Variants in NBAS observed in about 807,000 individuals in gnomAD.
NBAS encodes the protein NAG/BC035112 fusion.
In NBAS, 219 loss-of-function variants were observed where a neutral mutation model predicts 302.5. That is an observed-to-expected ratio of 0.72 (90% CI 0.65 to 0.81). The LOEUF is 0.81. Ranked by LOEUF, NBAS falls within the 30% of genes least tolerant of loss-of-function variation. The pLI, the probability that NBAS is intolerant of heterozygous loss-of-function variation, is 0.00. For synonymous variants in NBAS, 1,118 were observed against 1,021.6 expected (o/e 1.09, Z -1.80); for missense variants, 2,932 against 2,841.6 (o/e 1.03, Z -0.72).
intron 13 of NBAS, among the ~76,000 whole-genome samples, chr2:15,477,590 C>A (rs550293025): frequency 6.6e-6 from 1 of 152,284 alleles, no homozygotes; most frequent in African/African-American, 2.4e-5. Context: ...AACCTTATAA[C>A]TATCACTGAT....
the NBAS span, among the ~76,000 whole-genome samples, chr2:15,140,475 C>T: frequency 5.9e-5 from 9 of 152,266 alleles, no homozygotes; most frequent in Non-Finnish European, 1.3e-4. Flanking sequence ...TGACCTTAAC[C>T]AAGTCATTTA....
chr2:15,237,132 T>C (rs1460488607), intron 45 of NBAS, among the ~76,000 whole-genome samples: 4 of 152,212 alleles, frequency 2.6e-5, no homozygotes, highest in Admixed American at 2.0e-4. Context: ...AAATGGAATA[T>C]TATTCATATA....
chr2:15,188,234 A>C (rs1318808015), intron 49 of NBAS, among the ~76,000 whole-genome samples: 1 of 152,254 alleles, frequency 6.6e-6, no homozygotes, highest in African/African-American at 2.4e-5. Context: ...ACAAGGAACT[A>C]AAGCTAAAAA....
Position 15,315,327 on chromosome 2 carries a change from G to A in NBAS, c.4583-6080C>T, listed in dbSNP as rs549280390. Among the ~76,000 whole-genome samples, 8 of 152,322 alleles carry A rather than the reference G, an allele frequency of 5.3e-5. No homozygotes were observed. In the East Asian group the frequency reaches 1.5e-3, roughly 29 times the overall value. ...ACAGTAAATGTGGCAATATTAACTG[G>A]AGGGTACACAGGAGTGTACGGGAGT... On this transcript the variant is annotated intron_variant, in intron 38 of 51. Transcript: ENST00000281513.
At chr2:15,097,977 TAA>T in the NBAS span, among the ~76,000 whole-genome samples, 1 of 98,016 alleles carries the variant, frequency 1.0e-5, no homozygotes, top group African/African-American at 4.3e-5. Context: ...ATATTGTATA[TAA>T]TATATATATT....
the NBAS span, among the ~76,000 whole-genome samples, chr2:14,925,171 A>G: frequency 2.6e-5 from 4 of 152,194 alleles, no homozygotes; most frequent in Non-Finnish European, 5.9e-5. Context: ...AAACACTACT[A>G]TGGCACTTGC....
At chr2:15,553,154 A>G (rs1205107273) in intron 5 of NBAS, among the ~76,000 whole-genome samples, 1 of 152,126 alleles carries the variant, frequency 6.6e-6, no homozygotes, top group African/African-American at 2.4e-5. Context: ...TGATTTCCAG[A>G]GTTCTGGAGG....
chr2:15,089,036 C>A, the NBAS span, among the ~76,000 whole-genome samples: 2 of 152,178 alleles, frequency 1.3e-5, no homozygotes, highest in Non-Finnish European at 2.9e-5. Flanking sequence ...GGAGACAAAC[C>A]CCACAGCTAA....
chr2:15,143,392 A>G, the NBAS span, among the ~76,000 whole-genome samples: 1 of 152,148 alleles, frequency 6.6e-6, no homozygotes, highest in African/African-American at 2.4e-5. Context: ...TGCAAATCCA[A>G]CACTGGTTGA....
chr2:15,502,221 G>A (rs1383960368), intron 11 of NBAS, among the ~76,000 whole-genome samples: 2 of 152,120 alleles, frequency 1.3e-5, no homozygotes, highest in African/African-American at 4.8e-5. Context: ...TAAAAAGCAG[G>A]CATCATAATG....
At chr2:15,533,679 C>CGTGTGTGTGTGTGTGTGTGTGTGTGT (rs59222907) in intron 9 of NBAS, among the ~76,000 whole-genome samples, 4 of 143,940 alleles carry the variant, frequency 2.8e-5, no homozygotes, top group African/African-American at 5.2e-5. Context: ...GGGGGGTGTG[C>CGTGTGTGTGTGTGTGTGTGTGTGTGT]GTGTGTGTGT....
At chr2:15,171,899 A>G (rs1399476166) in intron 51 of NBAS, among the ~76,000 whole-genome samples, 1 of 152,234 alleles carries the variant, frequency 6.6e-6, no homozygotes, top group Non-Finnish European at 1.5e-5. Context: ...CTGGGAAGAA[A>G]CCAACCTTAC....
chr2:15,365,329 T>C (rs757726505), intron 32 of NBAS, among the ~76,000 whole-genome samples: 5 of 152,228 alleles, frequency 3.3e-5, no homozygotes. Context: ...AGCTGCTTTG[T>C]TAGCTTCTGT....
intron 12 of NBAS, among the ~76,000 whole-genome samples, chr2:15,487,253 T>C (rs1195097776): frequency 6.6e-6 from 1 of 152,184 alleles, no homozygotes; most frequent in African/African-American, 2.4e-5. Flanking sequence ...TTGATAACCA[T>C]GAAAAACACG....
the NBAS span, among the ~76,000 whole-genome samples, chr2:15,008,158 C>T: frequency 6.6e-6 from 1 of 152,294 alleles, no homozygotes; most frequent in East Asian, 1.9e-4. Context: ...GGTAATTACA[C>T]CCAGAAACAG....
intron 9 of NBAS, among the ~76,000 whole-genome samples, chr2:15,531,270 C>T (rs1457919273): frequency 6.6e-6 from 1 of 152,106 alleles, no homozygotes; most frequent in African/African-American, 2.4e-5. Context: ...AATAGGGAAG[C>T]CATCTTCTGG....
chr2:14,820,308 T>C, the NBAS span, among the ~76,000 whole-genome samples: 4 of 152,186 alleles, frequency 2.6e-5, no homozygotes, highest in Admixed American at 2.6e-4. Flanking sequence ...GTGGTACATA[T>C]ACCCAATGGA....
At chr2:15,039,947 T>C in the NBAS span, among the ~76,000 whole-genome samples, 1 of 152,156 alleles carries the variant, frequency 6.6e-6, no homozygotes, top group Non-Finnish European at 1.5e-5. Flanking sequence ...TTGTAATAGG[T>C]CAGGCAGGTG....
intron 21 of NBAS, among the ~76,000 whole-genome samples, chr2:15,440,401 T>C (rs7565506): frequency 0.025 from 3,877 of 152,162 alleles, 176 homozygotes; most frequent in African/African-American, 0.089. Flanking sequence ...GCAAACAGGG[T>C]CTGGAGTGGA....
Sources: allele counts gnomAD v4.1 joint callset (sites outside exome capture counted in the v4.1 genomes callset), GRCh38; gene constraint gnomAD v4.1.1; transcripts MANE v1.5; gene names NCBI Gene and HGNC (gene_info 2026-07-23, HGNC 2026-07-21).